PIEZO1: variants seen among roughly 807,000 people sequenced by gnomAD.
The protein encoded by PIEZO1 is piezo-type mechanosensitive ion channel component 1.
Under a neutral mutation model 297.2 loss-of-function variants are expected in PIEZO1, and 296 were observed. The ratio of observed to expected loss-of-function variants is 1.00; its 90% CI spans 0.91 to 1.10. The LOEUF (loss-of-function observed/expected upper bound fraction) is 1.10. PIEZO1 is among the 50% of genes least tolerant of loss of function. The pLI, the probability that PIEZO1 is intolerant of heterozygous loss-of-function variation, is 0.00. For synonymous variants in PIEZO1, 2,427 were observed against 1,507.5 expected, an observed-to-expected ratio of 1.61 and a Z score of -14.13; for missense variants, 5,018 against 3,455.5, an observed-to-expected ratio of 1.45 and a Z score of -11.34.
At position 88,782,120 on chromosome 16, in the gene PIEZO1, C is replaced by T. The variant is rs77422982; in HGVS notation, c.64+2781G>A. Among the ~76,000 whole-genome samples the T allele has an allele frequency of 9.0e-3, 1,365 of 152,000 alleles. 22 individuals carry two copies. The highest frequency in any genetic ancestry group is 0.031 in the African/African-American group (1,296 of 41,486). On this transcript the variant is annotated intron_variant, in intron 1 of 50. Transcript: ENST00000301015. ...TCACAAATGTCCTGCCCTTTTTTTT[C>T]CTTTTTCTTTTTTGAGACAGGGTCT...
At chr16:88,747,232 A>G (rs1483794383) in intron 2 of PIEZO1, among the ~76,000 whole-genome samples, 50 of 105,190 alleles carry the variant, frequency 4.8e-4, no homozygotes, top group African/African-American at 1.5e-3. Flanking sequence ...CCCCCACTCG[A>G]AAAAAAAAAA....
chr16:88,747,370 G>T (rs1429380016), intron 2 of PIEZO1, among the ~76,000 whole-genome samples: 2 of 152,132 alleles, frequency 1.3e-5, no homozygotes, highest in African/African-American at 4.8e-5. Context: ...ACAAAAATTA[G>T]CCAGGCATGA....
rs1181480068 is a variant in PIEZO1, at chr16:88,737,656, A to G, written c.1108-10T>C. 1.4e-5 allele frequency: 22 copies of G among 1,534,034 alleles called. No individual in the cohort carries two copies. Among genetic ancestry groups the G allele is most frequent in the South Asian group, 2.4e-5 (2 of 83,990 alleles). On this transcript the variant is annotated splice_polypyrimidine_tract_variant and intron_variant, in intron 9 of 50. Transcript: ENST00000301015. ...CTGTGGGCACCACGTGCTGTGGGCAAGCAGCGCTGAGCCATGCACGGGCTG... is the reference window on the plus strand; with the variant it reads ...CTGTGGGCACCACGTGCTGTGGGCAGGCAGCGCTGAGCCATGCACGGGCTG...
In PIEZO1 at chr16:88,736,240, G is replaced by T; in HGVS notation, c.1465C>A (p.Arg489Ser). ...CCCAGGGTGGTGGGCAGCTCAGGGCGCAGGTCCATGGCCCACACGTAGCGT... is the reference window on the plus strand; with the variant it reads ...CCCAGGGTGGTGGGCAGCTCAGGGCTCAGGTCCATGGCCCACACGTAGCGT... ...CLRYVWAMDLRPELPTTLGPV... is the reference protein window; with the variant it reads ...CLRYVWAMDLSPELPTTLGPV... The change falls in exon 12 of 51, where the codon CGC becomes AGC. Residue 489 changes from arginine to serine, a missense_variant. Transcript: ENST00000301015. 1 of 1,550,058 alleles carries T rather than the reference G, an allele frequency of 6.5e-7. No homozygotes were observed. The highest frequency in any genetic ancestry group is 1.7e-4 in the Middle Eastern group (1 of 5,966).
At chr16:88,768,045 C>T (rs570455490) in intron 1 of PIEZO1, among the ~76,000 whole-genome samples, 63 of 152,236 alleles carry the variant, frequency 4.1e-4, no homozygotes, top group Non-Finnish European at 9.0e-4. Context: ...CCCCTTAAAG[C>T]AGAGGTCTGC....
At position 88,720,159 on chromosome 16, in the gene PIEZO1, T is replaced by C; in HGVS notation, c.6074A>G (p.Lys2025Arg). ...MVVDRALYLR[K>R]TVLGKLAFQV... The stretch of plus-strand genomic sequence containing the variant: ...GAAGGCCAGCTTGCCCAGCACGGTC[T>C]TGCGCAGGTAGAGGGCGCGGTCAAC... Residue 2025 changes from lysine (K) to arginine (R), a missense_variant, in exon 42 of 51, where the codon AAG (lysine) becomes AGG (arginine). Coordinates refer to ENST00000301015, the MANE Select transcript of PIEZO1 (RefSeq NM_001142864.4). 1 of 1,550,490 alleles carries C rather than the reference T, an allele frequency of 6.4e-7. No homozygotes were observed. The highest frequency in any genetic ancestry group is 8.7e-7 in the Non-Finnish European group (1 of 1,146,992).
At chr16:88,742,445 G>A (rs1048745166) in intron 2 of PIEZO1, 23 bp from the exon 3 acceptor site, 1 of 1,532,912 alleles carries the variant, frequency 6.5e-7, no homozygotes, top group Non-Finnish European at 8.7e-7. Flanking sequence ...GAGTGGGTGA[G>A]GCTGGTCCCG....
At chr16:88,726,229 G>GCC in intron 27 of PIEZO1, 55 bp downstream of exon 27, 1 of 1,440,266 alleles carries the variant, frequency 6.9e-7, no homozygotes, top group Non-Finnish European at 9.3e-7. Flanking sequence ...ACCTCCCATT[G>GCC]CCCCCTCCCA....
chr16:88,717,130 C>T lies in PIEZO1; in HGVS notation c.6553G>A (p.Ala2185Thr), dbSNP rs376951269. 77 of 1,551,222 alleles carry T rather than the reference C, an allele frequency of 5.0e-5. No individual in the cohort carries two copies. In the Middle Eastern group the frequency reaches 5.0e-4, roughly 10 times the overall value. Residue 2185 changes from alanine to threonine, a missense_variant, in exon 45 of 51, where the codon GCC (alanine) becomes ACC (threonine). Ala to Thr is a moderately conservative substitution (Grantham distance 58, BLOSUM62 0). Transcript: ENST00000301015. ...AAGAGCAGTGGGAACCAGATGATGGCGATGAGGAAGAGGATGATGAGGCCA... is the reference window on the plus strand; with the variant it reads ...AAGAGCAGTGGGAACCAGATGATGGTGATGAGGAAGAGGATGATGAGGCCA... ...MGGLIILFLIAIIWFPLLFMS... is the reference protein window; with the variant it reads ...MGGLIILFLITIIWFPLLFMS...
chr16:88,763,582 G>A (rs1907027128), intron 1 of PIEZO1, among the ~76,000 whole-genome samples: 2 of 152,236 alleles, frequency 1.3e-5, no homozygotes, highest in South Asian at 2.1e-4. Flanking sequence ...GGAGCTGCCA[G>A]CCAGGGTCTG....
At position 88,723,052 on chromosome 16, in the gene PIEZO1, G is replaced by A. The variant is rs529277042; in HGVS notation, c.4495+43C>T. On this transcript the variant is annotated intron_variant, in intron 33 of 50. Transcript: ENST00000301015. ...GGGGCGCTGGAGGGGCAGCCTGTGG[G>A]GCCAAGAGAGACCTCCCACTCCCCA... 6.8e-5 allele frequency: 105 copies of A among 1,544,700 alleles called. No homozygotes were observed. In the African/African-American group the frequency reaches 1.2e-3, roughly 18 times the overall value.
chr16:88,732,214 C>A, intron 21 of PIEZO1, 121 bp downstream of exon 21: 1 of 826,708 alleles, frequency 1.2e-6, no homozygotes, highest in Non-Finnish European at 1.9e-6. Flanking sequence ...CTGAGTCCCC[C>A]ACCCTCTGTG....
Position 88,716,001 on chromosome 16 carries a change from G to A in PIEZO1, c.7248C>T (p.Asn2416=), listed in dbSNP as rs1597438881. 1.0e-5 allele frequency: 16 copies of A among 1,550,230 alleles called. No homozygotes were observed. The highest frequency in any genetic ancestry group is 9.8e-5 in the East Asian group (4 of 40,920). ...CACTGAAAATGACCATGGGCAGCAG[G>A]TTGCAGTCGGTCCGGCACTCCTGCA... ...IELQECRTDC[N]LLPMVIFSDK... is the part of the protein sequence containing the mutation. The change falls in exon 50 of 51, where the codon AAC becomes AAT. Residue 2416 remains asparagine (N), a synonymous_variant. Coordinates refer to ENST00000301015, the MANE Select transcript of PIEZO1 (RefSeq NM_001142864.4).
intron 3 of PIEZO1, 32 bp from the exon 4 acceptor site, chr16:88,742,127 G>A (rs915343040): frequency 9.8e-6 from 15 of 1,534,988 alleles, no homozygotes; most frequent in Non-Finnish European, 1.3e-5. Context: ...CCCAGGTCAG[G>A]CTCTGCCCAG....
chr16:88,744,868 G>A (rs773257357), intron 2 of PIEZO1, among the ~76,000 whole-genome samples: 8 of 151,904 alleles, frequency 5.3e-5, no homozygotes, highest in Non-Finnish European at 8.8e-5. Context: ...GGGAAGAGAC[G>A]CTGCTGGAGA....
At chr16:88,765,110 C>T (rs1907113073) in intron 1 of PIEZO1, among the ~76,000 whole-genome samples, 1 of 152,242 alleles carries the variant, frequency 6.6e-6, no homozygotes. Context: ...CCAGCGGCAC[C>T]CAGCCCCCTG....
In PIEZO1 at chr16:88,723,118, T is replaced by G. The variant is rs1467306417; in HGVS notation, c.4472A>C (p.Glu1491Ala). 1.9e-6 allele frequency: 3 copies of G among 1,548,752 alleles called. No individual in the cohort carries two copies. Among genetic ancestry groups the G allele is most frequent in the Non-Finnish European group, 1.7e-6 (2 of 1,146,782 alleles). The change falls in exon 33 of 51, where the codon GAG becomes GCG. Residue 1491 changes from glutamate (E) to alanine (A), a missense_variant. Coordinates refer to ENST00000301015, the MANE Select transcript of PIEZO1 (RefSeq NM_001142864.4). ...GGPSQEVEPA[E>A]GPEEAAAGRS... The stretch of plus-strand genomic sequence containing the variant: ...ACCTGCCGCTGCCTCCTCGGGGCCC[T>G]CTGCTGGCTCCACCTCCTGGCTGGG...
In PIEZO1 at chr16:88,715,353, G is replaced by C. The variant is rs1911901036; in HGVS notation, c.*252C>G. The C allele has an allele frequency of 7.2e-6, 9 of 1,256,388 alleles. No homozygotes were observed. Among genetic ancestry groups the C allele is most frequent in the African/African-American group, 1.5e-5 (1 of 65,946 alleles). The allele number at this position is 1,256,388 out of a possible 1,614,324, so 77.8% of individuals were successfully genotyped here. ...GGGACTGGCCTCTGATTGTCCATTT[G>C]TATAAATAAAACATTTTTTAATTAA... is the stretch of plus-strand genomic sequence containing the variant. On this transcript the variant is annotated 3_prime_UTR_variant, in exon 51 of 51. Transcript: ENST00000301015.
chr16:88,741,703 T>TGGATGGGTCTCCAGGTGCGGGTGGGAGC (rs1567678576), intron 4 of PIEZO1, 87 bp from the exon 5 acceptor site: 102 of 452,934 alleles, frequency 2.3e-4, no homozygotes, highest in Admixed American at 3.4e-4. Context: ...CGGGTGGGAG[T>TGGATGGGTCTCCAGGTGCGGGTGGGAGC]GTGGATGGGT....
Sources: gnomAD v4.1 joint callset for allele counts (sites outside exome capture counted in the v4.1 genomes callset) on GRCh38, gnomAD v4.1.1 for gene constraint, MANE v1.5 for transcripts, NCBI Gene and HGNC (gene_info 2026-07-23, HGNC 2026-07-21) for gene names.